The following TMEM132E variants were observed in gnomAD, a reference collection of about 807,000 sequenced individuals.
TMEM132E encodes the protein transmembrane protein 132E.
Under a neutral mutation model 78.5 loss-of-function variants are expected in TMEM132E, and 49 were observed. The ratio of observed to expected loss-of-function variants is 0.62; its 90% confidence interval spans 0.50 to 0.79. The LOEUF (loss-of-function observed/expected upper bound fraction) is 0.79, where lower values mean the gene tolerates loss of function less well. Among genes scored for constraint, TMEM132E ranks in the 30% least tolerant of loss-of-function variants. The probability of loss-of-function intolerance (pLI) is 0.00; values close to 1 mark genes in which losing one functional copy is unlikely to be tolerated. For synonymous variants in TMEM132E, 715 were observed against 670.6 expected, an observed-to-expected ratio of 1.07 and a Z score of -1.02; for missense variants, 1,403 against 1,470.9, an observed-to-expected ratio of 0.95 and a Z score of 0.75.
chr17:34,601,657 A>G lies in TMEM132E; in HGVS notation c.67+20514A>G, dbSNP rs551944596. ...CCCTCCCTGCTGCTAATTTGGGTCA[A>G]TTAAGCCAATTTGTCTTTGTTGACT... On this transcript the variant is annotated intron_variant, in intron 1 of 8. Transcript: ENST00000631683. Among the ~76,000 whole-genome samples, 3 of 152,372 alleles carry G rather than the reference A, an allele frequency of 2.0e-5. No individual in the cohort carries two copies. In the South Asian group the frequency reaches 6.2e-4, roughly 32 times the overall value.
chr17:34,624,060 C>A lies in TMEM132E; in HGVS notation c.68-2067C>A, dbSNP rs140655784. Among the ~76,000 whole-genome samples the A allele has an allele frequency of 3.9e-3, 601 of 152,298 alleles. 3 individuals carry two copies. The highest frequency in any genetic ancestry group is 0.014 in the African/African-American group (581 of 41,580). On this transcript the variant is annotated intron_variant, in intron 1 of 8. Transcript: ENST00000631683. ...AGAAGTGGTGAGAGCATGTGCCACGCCTCTTAAAACAACTGACCCCGAGGG... is the reference window on the plus strand; with the variant it reads ...AGAAGTGGTGAGAGCATGTGCCACGACTCTTAAAACAACTGACCCCGAGGG...
intron 1 of TMEM132E, among the ~76,000 whole-genome samples, chr17:34,617,577 C>A (rs1906824133): frequency 1.3e-5 from 2 of 152,184 alleles, no homozygotes; most frequent in Admixed American, 6.5e-5. Context: ...ACCAAGCGAG[C>A]AATTTGCTTA....
At chr17:34,581,513 C>T (rs1905481304) in intron 1 of TMEM132E, among the ~76,000 whole-genome samples, 1 of 152,148 alleles carries the variant, frequency 6.6e-6, no homozygotes, top group Admixed American at 6.5e-5. Flanking sequence ...TGCAGCCGGC[C>T]GGGCTGGGGG....
chr17:34,587,240 T>C (rs888755774), intron 1 of TMEM132E, among the ~76,000 whole-genome samples: 7 of 152,132 alleles, frequency 4.6e-5, no homozygotes, highest in African/African-American at 1.4e-4. Context: ...GCAGCTAGGA[T>C]ACCCCACCTT....
intron 1 of TMEM132E, among the ~76,000 whole-genome samples, chr17:34,623,827 C>T (rs371143733): frequency 3.8e-4 from 58 of 152,260 alleles, no homozygotes; most frequent in African/African-American, 1.4e-3. Context: ...CAGTTGGCCT[C>T]GGGGCCAGCA....
At chr17:34,622,331 T>A (rs1035754193) in intron 1 of TMEM132E, among the ~76,000 whole-genome samples, 3 of 152,054 alleles carry the variant, frequency 2.0e-5, no homozygotes, top group Non-Finnish European at 2.9e-5. Flanking sequence ...TAGTGTTAGG[T>A]CTCAGGGACC....
chr17:34,631,691 G>A (rs966375435), intron 5 of TMEM132E, among the ~76,000 whole-genome samples: 6 of 152,092 alleles, frequency 3.9e-5, no homozygotes, highest in Admixed American at 1.3e-4. Context: ...GATGCCCCAG[G>A]GGCTCATCTC....
chr17:34,581,310 C>G (rs1457612441), intron 1 of TMEM132E, among the ~76,000 whole-genome samples, 167 bp downstream of exon 1: 1 of 150,924 alleles, frequency 6.6e-6, no homozygotes, highest in African/African-American at 2.4e-5. Flanking sequence ...CCGAGCCCTC[C>G]GGCGAGCTCA....
At chr17:34,616,137 T>C (rs572151332) in intron 1 of TMEM132E, among the ~76,000 whole-genome samples, 1 of 152,138 alleles carries the variant, frequency 6.6e-6, no homozygotes, top group South Asian at 2.1e-4. Context: ...TCCCTTCAGC[T>C]AAGAGATGGG....
chr17:34,602,887 C>T (rs755302012), intron 1 of TMEM132E, among the ~76,000 whole-genome samples: 2 of 152,158 alleles, frequency 1.3e-5, no homozygotes, highest in African/African-American at 4.8e-5. Flanking sequence ...AGCAGGTCCA[C>T]GTGGGATGGA....
chr17:34,607,097 T>C lies in TMEM132E; in HGVS notation c.68-19030T>C, dbSNP rs560546361. 4.6e-5 allele frequency among the ~76,000 whole-genome samples: 7 copies of C among 152,358 alleles called. No homozygotes were observed. In the South Asian group the frequency reaches 1.2e-3, roughly 27 times the overall value. ...TCCTGGGACAGGGAGCTCAGTACGC[T>C]ACAAGGCAGCTCCTTTCATTACAGC... is the stretch of plus-strand genomic sequence containing the variant. On this transcript the variant is annotated intron_variant, in intron 1 of 8. Transcript: ENST00000631683.
chr17:34,592,549 G>A (rs1368085195), intron 1 of TMEM132E, among the ~76,000 whole-genome samples: 1 of 152,174 alleles, frequency 6.6e-6, no homozygotes, highest in Non-Finnish European at 1.5e-5. Context: ...TGAAGATCCT[G>A]GAGCAGGAGC....
At position 34,637,912 on chromosome 17, in the gene TMEM132E, C is replaced by T. The variant is rs943327248; in HGVS notation, c.2905C>T (p.His969Tyr). 3 of 1,605,944 alleles carry T rather than the reference C, an allele frequency of 1.9e-6. No homozygotes were observed. Among genetic ancestry groups the T allele is most frequent in the African/African-American group, 1.3e-5 (1 of 74,872 alleles). The change falls in exon 9 of 9, where the codon CAC (histidine) becomes TAC (tyrosine). Residue 969 changes from histidine (H) to tyrosine (Y), a missense_variant. Transcript: ENST00000631683. ...ETVPAFCHGD[H>Y]HSSGSSQTSV... ...CGTGCCCGCCTTCTGCCACGGCGAC[C>T]ACCACAGCAGCGGCAGCTCGCAGAC...
chr17:34,612,446 A>G (rs1391198400), intron 1 of TMEM132E, among the ~76,000 whole-genome samples: 1 of 152,140 alleles, frequency 6.6e-6, no homozygotes, highest in Non-Finnish European at 1.5e-5. Flanking sequence ...TATGGGACCC[A>G]ACTGTGGAGC....
chr17:34,582,840 A>C (rs10445388), intron 1 of TMEM132E, among the ~76,000 whole-genome samples: 112,695 of 152,040 alleles, frequency 0.74, 42,024 homozygotes, highest in African/African-American at 0.76. Context: ...CTCTTCTTAC[A>C]TCTTGCTGTC....
intron 1 of TMEM132E, among the ~76,000 whole-genome samples, chr17:34,587,082 T>C (rs1248619995): frequency 6.6e-6 from 1 of 152,174 alleles, no homozygotes; most frequent in Non-Finnish European, 1.5e-5. Flanking sequence ...CCTGGGCCTA[T>C]CTTTCACGAC....
intron 1 of TMEM132E, among the ~76,000 whole-genome samples, chr17:34,607,580 T>G (rs1906456582): frequency 6.6e-6 from 1 of 152,146 alleles, no homozygotes; most frequent in Non-Finnish European, 1.5e-5. Flanking sequence ...TAACACAGAC[T>G]CCACAGGTTA....
intron 6 of TMEM132E, among the ~76,000 whole-genome samples, chr17:34,634,253 A>G (rs1194987861): frequency 6.6e-6 from 1 of 152,204 alleles, no homozygotes; most frequent in African/African-American, 2.4e-5. Flanking sequence ...CTTTTGCTTA[A>G]CAGTTTATTT....
intron 1 of TMEM132E, among the ~76,000 whole-genome samples, chr17:34,587,404 G>A (rs1905715881): frequency 6.6e-6 from 1 of 152,172 alleles, no homozygotes; most frequent in South Asian, 2.1e-4. Flanking sequence ...GGAGCACCCA[G>A]TATAACAAGG....
Sources: gnomAD v4.1 joint callset for allele counts (sites outside exome capture counted in the v4.1 genomes callset) on GRCh38, gnomAD v4.1.1 for gene constraint, MANE v1.5 for transcripts, NCBI Gene and HGNC (gene_info 2026-07-23, HGNC 2026-07-21) for gene names.